The following FILIP1L variants were observed in gnomAD, a reference collection of about 807,000 sequenced individuals.
The protein encoded by FILIP1L is filamin A-interacting protein 1-like.
FILIP1L carries 55 observed loss-of-function variants against 96.6 expected under a neutral mutation model. That is an observed-to-expected ratio of 0.57 (90% CI 0.46 to 0.71). FILIP1L has a LOEUF of 0.71. Ranked by LOEUF, FILIP1L falls within the 30% of genes least tolerant of loss-of-function variation. FILIP1L has a pLI of 0.00. For missense variants in FILIP1L, 1,304 were observed against 1,321.2 expected (o/e 0.99, Z 0.20); for synonymous variants, 467 against 473.9 (o/e 0.99, Z 0.19).
rs6764470 is a variant in FILIP1L, at chr3:100,065,672, G to T, written c.-11+48381C>A. On this transcript the variant is annotated intron_variant, in intron 1 of 5. Coordinates refer to ENST00000477258, the MANE Select transcript of FILIP1L (RefSeq NM_001387850.1). ...TAGTTGTCACCATTATAAAGCTGAGGTGCAAATGACACTTGATTTGTTTTC... is the reference window on the plus strand; with the variant it reads ...TAGTTGTCACCATTATAAAGCTGAGTTGCAAATGACACTTGATTTGTTTTC... 5.5e-3 allele frequency among the ~76,000 whole-genome samples: 684 copies of T among 123,662 alleles called. 7 individuals are homozygous for T. Among genetic ancestry groups the T allele is most frequent in the African/African-American group, 0.019 (667 of 35,470 alleles). 81.1% of individuals were successfully genotyped at this position (123,662 alleles called of 152,430 possible).
chr3:100,012,789 G>A (rs1710198577), intron 1 of FILIP1L, among the ~76,000 whole-genome samples: 1 of 139,870 alleles, frequency 7.1e-6, no homozygotes, highest in Non-Finnish European at 1.6e-5. Flanking sequence ...TGGGTTGGGG[G>A]AGGGACAGGT....
At chr3:99,915,190 C>A (rs375160309) in intron 4 of FILIP1L, among the ~76,000 whole-genome samples, 1 of 152,122 alleles carries the variant, frequency 6.6e-6, no homozygotes, top group African/African-American at 2.4e-5. Context: ...CATGACCATG[C>A]TAACCGAAGG....
intron 1 of FILIP1L, among the ~76,000 whole-genome samples, chr3:100,031,640 A>G (rs2065024314): frequency 6.6e-6 from 1 of 152,006 alleles, no homozygotes; most frequent in African/African-American, 2.4e-5. Flanking sequence ...TAACTAACGC[A>G]TTCTCTCCCC....
At chr3:99,881,037 GC>G (rs1254633792) in intron 4 of FILIP1L, among the ~76,000 whole-genome samples, 1 of 152,074 alleles carries the variant, frequency 6.6e-6, no homozygotes, top group Non-Finnish European at 1.5e-5. Context: ...CTGCCTGTTG[GC>G]CCCCTAACAT....
chr3:99,880,570 G>A (rs1705691649), intron 4 of FILIP1L, among the ~76,000 whole-genome samples: 1 of 152,114 alleles, frequency 6.6e-6, no homozygotes, highest in African/African-American at 2.4e-5. Context: ...AGTGATTACA[G>A]TAGTAGTGTC....
chr3:99,942,828 CA>C (rs55862003), intron 1 of FILIP1L, among the ~76,000 whole-genome samples: 1,749 of 126,088 alleles, frequency 0.014, 18 homozygotes, highest in African/African-American at 0.031. Flanking sequence ...GACTCTGTCT[CA>C]AAAAAAAAAA....
chr3:99,969,306 C>T (rs944862107), intron 1 of FILIP1L, among the ~76,000 whole-genome samples: 1 of 152,130 alleles, frequency 6.6e-6, no homozygotes, highest in Non-Finnish European at 1.5e-5. Context: ...CTTGTTTGGG[C>T]TCTTGAGCAA....
chr3:100,077,041 G>C (rs1215081253), intron 1 of FILIP1L, among the ~76,000 whole-genome samples: 1 of 152,152 alleles, frequency 6.6e-6, no homozygotes, highest in Non-Finnish European at 1.5e-5. Context: ...GGCTGGCCAG[G>C]GTACGCTTAC....
intron 1 of FILIP1L, among the ~76,000 whole-genome samples, chr3:100,013,258 G>GTTT (rs1710219199): frequency 6.7e-6 from 1 of 149,582 alleles, no homozygotes; most frequent in East Asian, 2.0e-4. Context: ...TGTTGTTGTT[G>GTTT]TTTGAGATGG....
chr3:99,936,211 G>A (rs958077865), intron 1 of FILIP1L, among the ~76,000 whole-genome samples: 3 of 151,740 alleles, frequency 2.0e-5, no homozygotes, highest in African/African-American at 4.8e-5. Flanking sequence ...ATATGGTATC[G>A]AGGTAGCCAA....
At chr3:100,108,961 G>T (rs1050108145) in intron 1 of FILIP1L, among the ~76,000 whole-genome samples, 3 of 151,944 alleles carry the variant, frequency 2.0e-5, no homozygotes, top group Non-Finnish European at 2.9e-5. Flanking sequence ...TGGAAGGCAG[G>T]TACTTAGAGT....
chr3:100,064,986 G>A (rs942526166), intron 1 of FILIP1L, among the ~76,000 whole-genome samples: 11 of 152,194 alleles, frequency 7.2e-5, no homozygotes, highest in African/African-American at 2.7e-4. Context: ...ACACATGTGT[G>A]TGTAACAAAA....
Position 99,985,754 on chromosome 3 carries a change from G to T in FILIP1L, c.-10-54724C>A, listed in dbSNP as rs1029846946. ...CAGGCACCTGCTACCATGCCCAGCT[G>T]GTTTTTGTATTTTTACTAGAGATGG... On this transcript the variant is annotated intron_variant, in intron 1 of 5. Transcript: ENST00000477258. 3.3e-5 allele frequency among the ~76,000 whole-genome samples: 5 copies of T among 151,942 alleles called. No individual in the cohort carries two copies. The South Asian group carries it at 1.0e-3, about 32-fold the overall frequency.
At chr3:100,057,728 G>A (rs974501694) in intron 1 of FILIP1L, among the ~76,000 whole-genome samples, 1 of 152,144 alleles carries the variant, frequency 6.6e-6, no homozygotes, top group East Asian at 1.9e-4. Context: ...GCATGCATTT[G>A]GTCGCAGAAG....
chr3:99,851,097 T>G, intron 4 of FILIP1L, 27 bp from the exon 5 acceptor site: 1 of 1,526,786 alleles, frequency 6.5e-7, no homozygotes. Context: ...GCATTTTATT[T>G]TGTGATTGAT....
At chr3:99,998,072 C>T (rs376394225) in intron 1 of FILIP1L, among the ~76,000 whole-genome samples, 1 of 152,202 alleles carries the variant, frequency 6.6e-6, no homozygotes, top group East Asian at 1.9e-4. Context: ...TTTAGTTTAA[C>T]TTGTGAGTTA....
chr3:99,985,936 T>C (rs1352922570), intron 1 of FILIP1L, among the ~76,000 whole-genome samples: 1 of 152,052 alleles, frequency 6.6e-6, no homozygotes, highest in Admixed American at 6.6e-5. Flanking sequence ...TAAAACACAT[T>C]GGGGGTTAAA....
chr3:100,074,883 A>G (rs1192118555), intron 1 of FILIP1L, among the ~76,000 whole-genome samples: 2 of 151,448 alleles, frequency 1.3e-5, no homozygotes. Context: ...TAATAGAGAC[A>G]GGGTTTCGCC....
chr3:99,957,142 C>T (rs555132593), intron 1 of FILIP1L, among the ~76,000 whole-genome samples: 1 of 151,522 alleles, frequency 6.6e-6, no homozygotes, highest in African/African-American at 2.4e-5. Context: ...TGATATACAG[C>T]AAAAAAAATA....
Sources: allele counts gnomAD v4.1 joint callset (sites outside exome capture counted in the v4.1 genomes callset), GRCh38; gene constraint gnomAD v4.1.1; transcripts MANE v1.5; gene names NCBI Gene and HGNC (gene_info 2026-07-23, HGNC 2026-07-21).